Variants in GRB14 observed in about 807,000 individuals in gnomAD.
GRB14 encodes the protein growth factor receptor bound protein 14.
GRB14 carries 38 observed loss-of-function variants against 69.1 expected under a neutral mutation model. The ratio of observed to expected loss-of-function variants is 0.55; its 90% CI spans 0.42 to 0.72. The LOEUF (loss-of-function observed/expected upper bound fraction) is 0.72, where lower values mean the gene tolerates loss of function less well. Ranked by LOEUF, GRB14 falls within the 30% of genes least tolerant of loss-of-function variation. GRB14 has a pLI of 0.00. For missense variants in GRB14, 666 were observed against 666.1 expected (o/e 1.00, Z 0.00); for synonymous variants, 247 against 241.3 (o/e 1.02, Z -0.22).
At chr2:164,614,323 G>A (rs1009742700) in intron 2 of GRB14, among the ~76,000 whole-genome samples, 1 of 152,124 alleles carries the variant, frequency 6.6e-6, no homozygotes, top group Non-Finnish European at 1.5e-5. Flanking sequence ...ATAGCTCAGA[G>A]GGCCTAAATA....
At chr2:164,525,763 C>A (rs1271251883) in intron 4 of GRB14, among the ~76,000 whole-genome samples, 1 of 151,964 alleles carries the variant, frequency 6.6e-6, no homozygotes, top group African/African-American at 2.4e-5. Context: ...CAGGGTTTTT[C>A]AACAGTAGTT....
At chr2:164,536,932 C>T (rs1688094083) in intron 3 of GRB14, among the ~76,000 whole-genome samples, 1 of 152,188 alleles carries the variant, frequency 6.6e-6, no homozygotes, top group Non-Finnish European at 1.5e-5. Context: ...ACTCTTAGTG[C>T]CTCCTGCAGC....
At chr2:164,518,482 A>G (rs1362278804) in intron 6 of GRB14, among the ~76,000 whole-genome samples, 1 of 152,138 alleles carries the variant, frequency 6.6e-6, no homozygotes, top group Non-Finnish European at 1.5e-5. Context: ...GAATAAACCA[A>G]ACCCAAACAC....
chr2:164,492,953 T>G lies in GRB14; in HGVS notation c.*83A>C. 2 of 1,255,148 alleles carry G rather than the reference T, an allele frequency of 1.6e-6. No individual in the cohort carries two copies. Among genetic ancestry groups the G allele is most frequent in the Non-Finnish European group, 2.2e-6 (2 of 917,028 alleles). The allele number at this position is 1,255,148 out of a possible 1,614,324, so 77.8% of individuals were successfully genotyped here. On this transcript the variant is annotated 3_prime_UTR_variant, in exon 14 of 14. Coordinates refer to ENST00000263915, the MANE Select transcript of GRB14 (RefSeq NM_004490.3). ...GAAATACATTCTTTTCACATGGTAA[T>G]GTTTTCGCCCTTATTTATGGTCTTT...
intron 9 of GRB14, among the ~76,000 whole-genome samples, chr2:164,502,039 T>C (rs1008171210): frequency 4.0e-5 from 6 of 151,822 alleles, no homozygotes; most frequent in South Asian, 2.1e-4. Flanking sequence ...TATTAAATAC[T>C]TTATGTATAA....
At chr2:164,525,670 G>A (rs971534144) in intron 4 of GRB14, among the ~76,000 whole-genome samples, 1 of 152,030 alleles carries the variant, frequency 6.6e-6, no homozygotes, top group African/African-American at 2.4e-5. Context: ...TGGATTCTAT[G>A]TTTTTAATAA....
At chr2:164,525,296 T>A (rs1687740879) in intron 4 of GRB14, among the ~76,000 whole-genome samples, 1 of 152,064 alleles carries the variant, frequency 6.6e-6, no homozygotes, top group Non-Finnish European at 1.5e-5. Flanking sequence ...CCCCAGATAA[T>A]GCTGATGTGG....
At chr2:164,554,925 GA>G (rs555172687) in intron 2 of GRB14, among the ~76,000 whole-genome samples, 1 of 147,294 alleles carries the variant, frequency 6.8e-6, no homozygotes, top group Non-Finnish European at 1.5e-5. Context: ...TAACTTTTCA[GA>G]AAAAAAAACT....
At chr2:164,551,999 G>A (rs1395918482) in intron 2 of GRB14, among the ~76,000 whole-genome samples, 2 of 152,198 alleles carry the variant, frequency 1.3e-5, no homozygotes, top group Non-Finnish European at 2.9e-5. Context: ...AGCGGGAGCA[G>A]GGGTGTCACA....
chr2:164,600,642 A>ACTCT (rs1689892978), intron 2 of GRB14, among the ~76,000 whole-genome samples: 1 of 152,154 alleles, frequency 6.6e-6, no homozygotes, highest in South Asian at 2.1e-4. Flanking sequence ...TGTATCAAAT[A>ACTCT]CTCTAAGCAT....
At chr2:164,545,267 C>T (rs967056384) in intron 3 of GRB14, among the ~76,000 whole-genome samples, 1 of 151,986 alleles carries the variant, frequency 6.6e-6, no homozygotes, top group Non-Finnish European at 1.5e-5. Context: ...GAACTATAGC[C>T]CCCGAAAGAT....
intron 6 of GRB14, among the ~76,000 whole-genome samples, chr2:164,518,232 A>G (rs1687545887): frequency 6.6e-6 from 1 of 152,206 alleles, no homozygotes; most frequent in Admixed American, 6.5e-5. Flanking sequence ...AAATCATGCA[A>G]ATACATGGAA....
Position 164,527,100 on chromosome 2 carries a change from C to T in GRB14, c.517G>A (p.Val173Met). The T allele has an allele frequency of 6.3e-7, 1 of 1,582,612 alleles. No individual in the cohort carries two copies. The highest frequency in any genetic ancestry group is 1.7e-5 in the Admixed American group (1 of 58,846). Residue 173 changes from valine (V) to methionine (M), a missense_variant, in exon 4 of 14, where the codon GTG becomes ATG. Val to Met is a conservative substitution (Grantham distance 21). Coordinates refer to ENST00000263915, the MANE Select transcript of GRB14 (RefSeq NM_004490.3). ...TCTTCTATCCCCCAGTTGGATAGCACTTCAATCACCAGTTCGTGGTCTTCT... is the reference window on the plus strand; with the variant it reads ...TCTTCTATCCCCCAGTTGGATAGCATTTCAATCACCAGTTCGTGGTCTTCT... ...TIEDHELVIE[V>M]LSNWGIEEEN...
chr2:164,560,694 T>C (rs1212837330), intron 2 of GRB14, among the ~76,000 whole-genome samples: 3 of 152,124 alleles, frequency 2.0e-5, no homozygotes, highest in Non-Finnish European at 1.5e-5. Flanking sequence ...TATCAAATTT[T>C]TTCTTCAAAT....
At chr2:164,545,877 C>A (rs1240334793) in intron 3 of GRB14, among the ~76,000 whole-genome samples, 2 of 152,122 alleles carry the variant, frequency 1.3e-5, no homozygotes, top group Non-Finnish European at 2.9e-5. Context: ...TATTTTTAAG[C>A]CCTTCACACT....
chr2:164,596,470 C>G, intron 2 of GRB14, among the ~76,000 whole-genome samples: 1 of 152,042 alleles, frequency 6.6e-6, no homozygotes, highest in East Asian at 1.9e-4. Context: ...AAATAAAGGA[C>G]AGAGAGAGAA....
chr2:164,497,254 G>GT lies in GRB14; in HGVS notation c.1250dup (p.His417GlnfsTer3). 6.2e-7 allele frequency: 1 copy of GT among 1,613,714 alleles called. No homozygotes were observed. The highest frequency in any genetic ancestry group is 1.1e-5 in the South Asian group (1 of 91,034). On this transcript the variant is annotated frameshift_variant, in exon 11 of 14. Transcript: ENST00000263915. LOFTEE classifies it high-confidence loss of function. ...TCTGTGAAGAGGCAGTGGGGCTACCGTGAGTGCCCAGGCGTAAACATCCTT... is the reference window on the plus strand; with the variant it reads ...TCTGTGAAGAGGCAGTGGGGCTACCGTTGAGTGCCCAGGCGTAAACATCCTT...
At position 164,504,278 on chromosome 2, in the gene GRB14, C is replaced by T. The variant is rs1281543385; in HGVS notation, c.1024-1943G>A. Among the ~76,000 whole-genome samples, 6 of 151,822 alleles carry T rather than the reference C, an allele frequency of 4.0e-5. No individual in the cohort carries two copies. The South Asian group carries it at 8.3e-4, about 21-fold the overall frequency. ...GTGTGATGAAAAAAGAGGGCACTCTCGGTTTAGCCAAGATAATATCTCCTT... is the reference window on the plus strand; with the variant it reads ...GTGTGATGAAAAAAGAGGGCACTCTTGGTTTAGCCAAGATAATATCTCCTT... On this transcript the variant is annotated intron_variant, in intron 8 of 13. Transcript: ENST00000263915.
At chr2:164,538,902 TA>T (rs1452390667) in intron 3 of GRB14, among the ~76,000 whole-genome samples, 1 of 152,178 alleles carries the variant, frequency 6.6e-6, no homozygotes, top group Non-Finnish European at 1.5e-5. Flanking sequence ...CCACCTGGGT[TA>T]GGAACGTTTA....
Sources: gnomAD v4.1 joint callset for allele counts (sites outside exome capture counted in the v4.1 genomes callset) on GRCh38, gnomAD v4.1.1 for gene constraint, MANE v1.5 for transcripts, NCBI Gene and HGNC (gene_info 2026-07-23, HGNC 2026-07-21) for gene names.